Variants in RABGAP1 observed in about 807,000 individuals in gnomAD.
RABGAP1 encodes rab GTPase-activating protein 1.
A neutral mutation model predicts 137.6 loss-of-function variants in RABGAP1; 23 were observed. The observed-to-expected ratio is 0.17, with a 90% CI of 0.12 to 0.24. The LOEUF (loss-of-function observed/expected upper bound fraction) is 0.24. Ranked by LOEUF, RABGAP1 falls within the 10% of genes least tolerant of loss-of-function variation. The probability of loss-of-function intolerance (pLI) is 1.00; values close to 1 mark genes in which losing one functional copy is unlikely to be tolerated. For missense variants in RABGAP1, 906 were observed against 1,275.8 expected, an observed-to-expected ratio of 0.71 and a Z score of 4.42; for synonymous variants, 451 against 450.7, an observed-to-expected ratio of 1.00 and a Z score of -0.01.
At chr9:123,051,284 A>T (rs2033458021) in intron 13 of RABGAP1, among the ~76,000 whole-genome samples, 1 of 101,898 alleles carries the variant, frequency 9.8e-6, no homozygotes, top group Non-Finnish European at 1.8e-5. Flanking sequence ...TTTCACTCTT[A>T]CTGCCCAGGC....
chr9:122,997,070 A>G, intron 8 of RABGAP1, 189 bp from the exon 9 acceptor site: 2 of 595,016 alleles, frequency 3.4e-6, no homozygotes, highest in African/African-American at 1.9e-5. Context: ...AAGCATATAC[A>G]TATAACTTCA....
chr9:122,952,451 G>A (rs1834304931), intron 1 of RABGAP1, among the ~76,000 whole-genome samples: 2 of 151,850 alleles, frequency 1.3e-5, no homozygotes, highest in South Asian at 4.2e-4. Flanking sequence ...TGTATTTTGA[G>A]TAGAGACGGG....
In RABGAP1 at chr9:123,005,288, ATT is replaced by A. The variant is rs35028470; in HGVS notation, c.1375-5056_1375-5055del. ...ATTTATTTTAGCTTAGGGGCTTGGG[ATT>A]TTTTTTTTTCCTTTTTTTTTTGAAT... On this transcript the variant is annotated intron_variant, in intron 10 of 25. Coordinates refer to ENST00000373647, the MANE Select transcript of RABGAP1 (RefSeq NM_012197.4). Among the ~76,000 whole-genome samples, 805 of 146,736 alleles carry A rather than the reference ATT, an allele frequency of 5.5e-3. 10 individuals are homozygous for A. Among genetic ancestry groups the A allele is most frequent in the African/African-American group, 0.018 (722 of 39,950 alleles).
At chr9:122,990,486 A>G (rs1032058519) in intron 6 of RABGAP1, 3 of 214,132 alleles carry the variant, frequency 1.4e-5, no homozygotes, top group African/African-American at 7.1e-5. Context: ...ATATGGCCAA[A>G]CCGCCAGGCG....
chr9:123,007,626 T>C (rs2030410878), intron 10 of RABGAP1, among the ~76,000 whole-genome samples: 3 of 146,954 alleles, frequency 2.0e-5, no homozygotes, highest in Admixed American at 1.4e-4. Flanking sequence ...CTCAAACACC[T>C]GGGCTCAGGT....
intron 13 of RABGAP1, among the ~76,000 whole-genome samples, chr9:123,030,813 T>A (rs1450995910): frequency 6.6e-6 from 1 of 152,198 alleles, no homozygotes; most frequent in African/African-American, 2.4e-5. Flanking sequence ...AATGTACATG[T>A]GGATTTCTGT....
At chr9:122,983,331 CAG>C (rs1334910315) in intron 2 of RABGAP1, among the ~76,000 whole-genome samples, 1 of 152,084 alleles carries the variant, frequency 6.6e-6, no homozygotes, top group Admixed American at 6.6e-5. Context: ...TTCACAGAAA[CAG>C]AAATTGTCAT....
intron 6 of RABGAP1, chr9:122,990,789 AAAAAAAAATATATATAT>A (rs1836654779): frequency 5.3e-5 from 3 of 56,576 alleles, no homozygotes; most frequent in East Asian, 6.8e-4. Context: ...AAAAAAAAAA[AAAAAAAAATATATATAT>A]ATATATATAT....
intron 21 of RABGAP1, among the ~76,000 whole-genome samples, chr9:123,092,602 G>A (rs981918201): frequency 6.6e-6 from 1 of 151,714 alleles, no homozygotes; most frequent in Non-Finnish European, 1.5e-5. Flanking sequence ...GTAAATATGG[G>A]ACAAGGAGCT....
intron 19 of RABGAP1, among the ~76,000 whole-genome samples, chr9:123,087,490 G>C (rs531379770): frequency 2.6e-5 from 4 of 152,290 alleles, no homozygotes; most frequent in African/African-American, 9.6e-5. Flanking sequence ...TGTTAGGATT[G>C]TCTATACACT....
At chr9:123,075,114 T>C (rs1291156138) in intron 17 of RABGAP1, among the ~76,000 whole-genome samples, 2 of 152,090 alleles carry the variant, frequency 1.3e-5, no homozygotes, top group African/African-American at 4.8e-5. Flanking sequence ...AAAAATAATA[T>C]ATGTTTATAG....
chr9:123,076,551 G>A, intron 18 of RABGAP1, 83 bp from the exon 19 acceptor site: 1 of 1,433,604 alleles, frequency 7.0e-7, no homozygotes, highest in Non-Finnish European at 9.3e-7. Flanking sequence ...TAAAAGTGCT[G>A]AAAAGTGCTG....
rs757754801 is a variant in RABGAP1 at position 123,104,717 on chromosome 9, A to T, written c.*1504A>T. 1 of 152,258 alleles carries T rather than the reference A, an allele frequency of 6.6e-6. No individual in the cohort carries two copies. Among genetic ancestry groups the T allele is most frequent in the Non-Finnish European group, 1.5e-5 (1 of 68,058 alleles). 9.4% of individuals were successfully genotyped at this position (152,258 alleles called of 1,614,324 possible). ...CAGTTACCAAAATAGCTGTAAGCCTATCTAATGCTAGGTGTGTGGACATTG... is the reference window on the plus strand; with the variant it reads ...CAGTTACCAAAATAGCTGTAAGCCTTTCTAATGCTAGGTGTGTGGACATTG... On this transcript the variant is annotated 3_prime_UTR_variant, in exon 26 of 26. Transcript: ENST00000373647.
At chr9:123,038,075 G>C (rs1394260789) in intron 13 of RABGAP1, among the ~76,000 whole-genome samples, 3 of 152,108 alleles carry the variant, frequency 2.0e-5, no homozygotes, top group African/African-American at 7.2e-5. Flanking sequence ...TTGTAAACTA[G>C]TTGTATTTTT....
At chr9:123,055,219 T>G (rs1196021639) in intron 13 of RABGAP1, among the ~76,000 whole-genome samples, 1 of 152,130 alleles carries the variant, frequency 6.6e-6, no homozygotes, top group Admixed American at 6.5e-5. Context: ...GAAAGTAGGG[T>G]CTTGTTCTGT....
At chr9:123,075,921 T>G (rs1376332761) in intron 17 of RABGAP1, among the ~76,000 whole-genome samples, 1 of 152,168 alleles carries the variant, frequency 6.6e-6, no homozygotes, top group Admixed American at 6.5e-5. Context: ...AAAGGAAAAG[T>G]TCCCCAGGAG....
chr9:122,984,824 C>A, intron 3 of RABGAP1, 105 bp downstream of exon 3: 2 of 912,586 alleles, frequency 2.2e-6, no homozygotes, highest in Non-Finnish European at 3.3e-6. Flanking sequence ...CCATTGTCTA[C>A]AAAAACAGGC....
At chr9:123,041,150 A>T (rs1251952538) in intron 13 of RABGAP1, among the ~76,000 whole-genome samples, 2 of 152,202 alleles carry the variant, frequency 1.3e-5, no homozygotes, top group Admixed American at 1.3e-4. Context: ...GGAGAATTTT[A>T]TAAACTTTAT....
chr9:123,102,063 G>A (rs1588420476), intron 25 of RABGAP1, among the ~76,000 whole-genome samples: 1 of 152,116 alleles, frequency 6.6e-6, no homozygotes. Context: ...GTTTGACCTT[G>A]GGTTAGTAAC....
Sources: gnomAD v4.1 joint callset for allele counts (sites outside exome capture counted in the v4.1 genomes callset) on GRCh38, gnomAD v4.1.1 for gene constraint, MANE v1.5 for transcripts, NCBI Gene and HGNC (gene_info 2026-07-23, HGNC 2026-07-21) for gene names.